BCR: variants seen among roughly 807,000 people sequenced by gnomAD.
The protein encoded by BCR is BCR activator of RhoGEF and GTPase.
BCR carries 58 observed loss-of-function variants against 138.6 expected under a neutral mutation model. That is an observed-to-expected ratio of 0.42 (90% CI 0.34 to 0.52). The LOEUF (loss-of-function observed/expected upper bound fraction) is 0.52. BCR is among the 20% of genes least tolerant of loss of function. The pLI, the probability that BCR is intolerant of heterozygous loss-of-function variation, is 0.06. For synonymous variants in BCR, 786 were observed against 730.1 expected (o/e 1.08, Z -1.23); for missense variants, 1,599 against 1,727.2 (o/e 0.93, Z 1.32).
At chr22:23,269,661 C>T (rs376449230) in intron 5 of BCR, among the ~76,000 whole-genome samples, 8 of 152,174 alleles carry the variant, frequency 5.3e-5, no homozygotes, top group South Asian at 2.1e-4. Flanking sequence ...TGCATGTATC[C>T]GGGGCTCCAG....
In BCR at chr22:23,189,320, C is replaced by T. The variant is rs12159793; in HGVS notation, c.1279+7081C>T. Among the ~76,000 whole-genome samples the T allele has an allele frequency of 4.8e-3, 733 of 152,226 alleles. 4 individuals carry two copies. Among genetic ancestry groups the T allele is most frequent in the African/African-American group, 0.017 (691 of 41,530 alleles). ...TTCATATCCATCAGACTTTAACTCC[C>T]CATTCCCCCTCATCCCCAGCTCCCG... On this transcript the variant is annotated intron_variant, in intron 1 of 22. Transcript: ENST00000305877.
At chr22:23,285,262 C>T in intron 10 of BCR, 61 bp downstream of exon 10, 7 of 1,528,212 alleles carry the variant, frequency 4.6e-6, no homozygotes, top group Non-Finnish European at 6.2e-6. Context: ...AGCCCCCGCA[C>T]ACGGCCAGTG....
At chr22:23,213,038 T>G (rs2072705321) in intron 1 of BCR, among the ~76,000 whole-genome samples, 1 of 152,206 alleles carries the variant, frequency 6.6e-6, no homozygotes, top group Non-Finnish European at 1.5e-5. Context: ...GCTTTCGGGC[T>G]TCCTCACGGA....
At chr22:23,290,174 A>T in intron 13 of BCR, 165 bp from the exon 14 acceptor site, 1 of 712,468 alleles carries the variant, frequency 1.4e-6, no homozygotes, top group Non-Finnish European at 2.5e-6. Flanking sequence ...CAAGACAGAA[A>T]TCATGATGAG....
chr22:23,265,040 A>G (rs1296523656), intron 4 of BCR: 2 of 152,194 alleles, frequency 1.3e-5, no homozygotes, highest in African/African-American at 4.8e-5. Context: ...CGCCCTCCTG[A>G]GAAATGGAGA....
intron 1 of BCR, among the ~76,000 whole-genome samples, chr22:23,235,946 T>TG (rs1306846984): frequency 1.3e-5 from 2 of 152,320 alleles, no homozygotes; most frequent in East Asian, 3.9e-4. Flanking sequence ...ACCATCACAT[T>TG]GGGGGTTAGA....
At chr22:23,198,901 C>T (rs924386517) in intron 1 of BCR, among the ~76,000 whole-genome samples, 2 of 152,034 alleles carry the variant, frequency 1.3e-5, no homozygotes, top group African/African-American at 4.8e-5. Flanking sequence ...TGGTGTATCA[C>T]CTGAGGTCAG....
chr22:23,271,719 C>T (rs932533685), intron 6 of BCR, 127 bp downstream of exon 6: 6 of 890,162 alleles, frequency 6.7e-6, no homozygotes, highest in Non-Finnish European at 1.1e-5. Flanking sequence ...CCTGTTCTCT[C>T]TTCAGATAGA....
intron 1 of BCR, among the ~76,000 whole-genome samples, chr22:23,248,339 A>G (rs1298090797): frequency 6.7e-6 from 1 of 149,094 alleles, no homozygotes; most frequent in Non-Finnish European, 1.5e-5. Flanking sequence ...ACAGAGTGAG[A>G]CTCCATCTCA....
At chr22:23,242,543 C>T (rs2073105270) in intron 1 of BCR, among the ~76,000 whole-genome samples, 2 of 152,188 alleles carry the variant, frequency 1.3e-5, no homozygotes. Flanking sequence ...TTTGTAAGCC[C>T]CAGGAAAGCC....
At chr22:23,297,391 TCCCATTCGGTC>T (rs1246262718) in intron 16 of BCR, among the ~76,000 whole-genome samples, 1 of 152,026 alleles carries the variant, frequency 6.6e-6, no homozygotes, top group Non-Finnish European at 1.5e-5. Context: ...ACATGTGCTT[TCCCATTCGGTC>T]CTTGCAGCAG....
At chr22:23,264,435 A>ATAGTTCCTCCCCACTGCCCC in intron 4 of BCR, 1 of 691,494 alleles carries the variant, frequency 1.4e-6, no homozygotes, top group Admixed American at 2.1e-5. Flanking sequence ...GGGTGCAGTG[A>ATAGTTCCTCCCCACTGCCCC]TAGTTCCTCC....
chr22:23,187,119 T>C (rs1164175838), intron 1 of BCR, among the ~76,000 whole-genome samples: 3 of 152,210 alleles, frequency 2.0e-5, no homozygotes, highest in Non-Finnish European at 4.4e-5. Context: ...ACATAGCACA[T>C]ACTGGAAGAG....
chr22:23,295,292 C>G (rs1052692153), intron 16 of BCR, 137 bp downstream of exon 16: 2 of 1,131,332 alleles, frequency 1.8e-6, no homozygotes, highest in Non-Finnish European at 2.5e-6. Flanking sequence ...AAACATCCAT[C>G]GTGGGAGACC....
intron 4 of BCR, chr22:23,263,447 G>A: frequency 1.4e-6 from 2 of 1,403,370 alleles, no homozygotes; most frequent in South Asian, 1.2e-5. Context: ...GCTGCCGAGA[G>A]GGGATTCTGC....
At chr22:23,218,570 C>T (rs982483297) in intron 1 of BCR, among the ~76,000 whole-genome samples, 5 of 152,186 alleles carry the variant, frequency 3.3e-5, no homozygotes, top group African/African-American at 9.7e-5. Flanking sequence ...CTGGCCTGCT[C>T]AGTGGCAGGG....
rs373681408 is a variant in BCR, at chr22:23,312,875, T to A, written c.3323-12T>A. On this transcript the variant is annotated splice_polypyrimidine_tract_variant and intron_variant, in intron 19 of 22. Coordinates refer to ENST00000305877, the MANE Select transcript of BCR (RefSeq NM_004327.4). ...CCTCAAGGAGGCCGCTGCATTTCCG[T>A]GCTCTTTCCAGATAACAAGGACGTG... is the stretch of plus-strand genomic sequence containing the variant. The A allele has an allele frequency of 2.3e-5, 37 of 1,596,120 alleles. No homozygotes were observed. The African/African-American group carries it at 4.7e-4, about 20-fold the overall frequency.
intron 1 of BCR, among the ~76,000 whole-genome samples, chr22:23,219,417 G>T (rs2072796622): frequency 6.6e-6 from 1 of 152,192 alleles, no homozygotes; most frequent in Non-Finnish European, 1.5e-5. Flanking sequence ...GTGGAACCCA[G>T]CGGGGCAGTC....
intron 1 of BCR, among the ~76,000 whole-genome samples, chr22:23,236,597 CAT>C (rs1466992887): frequency 6.6e-6 from 1 of 152,204 alleles, no homozygotes; most frequent in Non-Finnish European, 1.5e-5. Context: ...AGGGAGGAGT[CAT>C]GTGGGCAGAG....
Sources: gnomAD v4.1 joint callset for allele counts (sites outside exome capture counted in the v4.1 genomes callset) on GRCh38, gnomAD v4.1.1 for gene constraint, MANE v1.5 for transcripts, NCBI Gene and HGNC (gene_info 2026-07-23, HGNC 2026-07-21) for gene names.